TSHZ3: variants seen among roughly 807,000 people sequenced by gnomAD.
The protein encoded by TSHZ3 is teashirt homolog 3.
In TSHZ3, 10 loss-of-function variants were observed where a neutral mutation model predicts 64.5. The observed-to-expected ratio is 0.16, with a 90% CI of 0.10 to 0.26. The LOEUF is 0.26. TSHZ3 is among the 10% of genes least tolerant of loss of function. The probability of loss-of-function intolerance (pLI) is 1.00; values close to 1 mark genes in which losing one functional copy is unlikely to be tolerated. For missense variants in TSHZ3, 1,242 were observed against 1,421.7 expected (o/e 0.87, Z 2.03); for synonymous variants, 608 against 593.1 (o/e 1.03, Z -0.36).
At chr19:31,321,912 T>C (rs1371944309) in intron 1 of TSHZ3, among the ~76,000 whole-genome samples, 1 of 152,142 alleles carries the variant, frequency 6.6e-6, no homozygotes, top group Non-Finnish European at 1.5e-5. Context: ...ACACGTACCA[T>C]GGTGGTTTTC....
intron 4 of TSHZ3, among the ~76,000 whole-genome samples, chr19:31,216,957 A>G (rs556055251): frequency 6.6e-6 from 1 of 151,264 alleles, no homozygotes; most frequent in Admixed American, 6.6e-5. Flanking sequence ...CGCCTGACCA[A>G]TTTACCAATT....
chr19:31,230,213 TA>T (rs1975520960), intron 3 of TSHZ3, among the ~76,000 whole-genome samples: 1 of 152,172 alleles, frequency 6.6e-6, no homozygotes, highest in Non-Finnish European at 1.5e-5. Context: ...AAAAAAATCA[TA>T]CTGAGAATTA....
intron 5 of TSHZ3, among the ~76,000 whole-genome samples, chr19:31,164,957 C>A (rs1974424629): frequency 2.6e-5 from 4 of 152,230 alleles, no homozygotes; most frequent in Admixed American, 2.6e-4. Context: ...TGCATAAAAG[C>A]GAGCGGCAGC....
intron 1 of TSHZ3, among the ~76,000 whole-genome samples, chr19:31,299,066 G>A (rs139020908): frequency 0.015 from 2,271 of 152,304 alleles, 109 homozygotes; most frequent in Admixed American, 0.099. Context: ...GTGGTAGCGG[G>A]CGCCTGTAGT....
At chr19:31,216,455 T>A (rs1169601570) in intron 4 of TSHZ3, among the ~76,000 whole-genome samples, 1 of 132,060 alleles carries the variant, frequency 7.6e-6, no homozygotes, top group Non-Finnish European at 1.6e-5. Flanking sequence ...AGGAGGCAGC[T>A]TTTTTTTTTT....
At chr19:31,295,062 T>C (rs1434995469) in intron 1 of TSHZ3, among the ~76,000 whole-genome samples, 1 of 152,208 alleles carries the variant, frequency 6.6e-6, no homozygotes, top group Non-Finnish European at 1.5e-5. Context: ...ATTAAGGGTG[T>C]TCTCATCAGT....
chr19:31,254,822 C>T (rs1232335167), intron 1 of TSHZ3, among the ~76,000 whole-genome samples: 1 of 152,158 alleles, frequency 6.6e-6, no homozygotes, highest in African/African-American at 2.4e-5. Flanking sequence ...CATGAATCCT[C>T]TTAGTCATTC....
At chr19:31,235,732 A>T (rs1599597954) in intron 3 of TSHZ3, among the ~76,000 whole-genome samples, 1 of 88,254 alleles carries the variant, frequency 1.1e-5, no homozygotes, top group Admixed American at 1.5e-4. Context: ...TTAATTTGAG[A>T]CAGAATCTCA....
At chr19:31,327,359 T>C (rs1056123987) in intron 1 of TSHZ3, among the ~76,000 whole-genome samples, 1 of 152,186 alleles carries the variant, frequency 6.6e-6, no homozygotes, top group African/African-American at 2.4e-5. Context: ...GATAGTAAAA[T>C]AGATTTTAAA....
chr19:31,198,306 T>A (rs886403217), intron 5 of TSHZ3, among the ~76,000 whole-genome samples: 4 of 152,064 alleles, frequency 2.6e-5, no homozygotes, highest in Non-Finnish European at 4.4e-5. Context: ...ATAAAGAATA[T>A]TCACGAAAAC....
chr19:31,278,140 A>G lies in TSHZ3; in HGVS notation c.1653T>C (p.His551=). 6.2e-7 allele frequency: 1 copy of G among 1,614,172 alleles called. No homozygotes were observed. Among genetic ancestry groups the G allele is most frequent in the South Asian group, 1.1e-5 (1 of 91,086 alleles). ...TPSWGGYPSI[H]AAYQLPNMMK... ...TCATGTTGGGAAGTTGGTAGGCGGC[A>G]TGGATGCTGGGATAGCCCCCCCAGC... The change falls in exon 2 of 2, where the codon CAT becomes CAC. Residue 551 remains histidine, a synonymous_variant. Coordinates refer to ENST00000240587, the MANE Select transcript of TSHZ3 (RefSeq NM_020856.4). This position sits in a 1 kb window ranked among gnomAD's most constrained non-coding sequence, Gnocchi z 4.7.
At chr19:31,153,126 C>A (rs568656750) in intron 6 of TSHZ3, among the ~76,000 whole-genome samples, 2 of 152,092 alleles carry the variant, frequency 1.3e-5, no homozygotes, top group South Asian at 2.1e-4. Flanking sequence ...ACTAATCCTG[C>A]CATTGGAGTT....
chr19:31,155,767 C>T (rs1183652066), intron 6 of TSHZ3, among the ~76,000 whole-genome samples: 1 of 152,224 alleles, frequency 6.6e-6, no homozygotes, highest in Non-Finnish European at 1.5e-5. Flanking sequence ...CCTGTTTCCA[C>T]CTGAGGTTTC....
At chr19:31,158,282 T>C (rs1974331427) in intron 5 of TSHZ3, among the ~76,000 whole-genome samples, 1 of 152,192 alleles carries the variant, frequency 6.6e-6, no homozygotes, top group South Asian at 2.1e-4. Context: ...GAAAAAAATA[T>C]ATGTATCTCA....
At chr19:31,273,226 T>C (rs1019891261), downstream of TSHZ3, among the ~76,000 whole-genome samples, 1 of 152,268 alleles carries the variant, frequency 6.6e-6, no homozygotes, top group African/African-American at 2.4e-5. Flanking sequence ...CACGTGAGGT[T>C]TGCATTCGTG....
At chr19:31,333,289 C>T (rs1398312347) in intron 1 of TSHZ3, among the ~76,000 whole-genome samples, 1 of 152,104 alleles carries the variant, frequency 6.6e-6, no homozygotes, top group Non-Finnish European at 1.5e-5. Context: ...TAACACTACT[C>T]CAACTCAGGA....
intron 6 of TSHZ3, among the ~76,000 whole-genome samples, chr19:31,156,045 T>A (rs1173987489): frequency 5.3e-5 from 8 of 152,240 alleles, no homozygotes; most frequent in Non-Finnish European, 1.5e-5. Flanking sequence ...TGTGCCTCTT[T>A]CTTCAGGTCA....
At chr19:31,232,192 C>T (rs541008970) in intron 3 of TSHZ3, among the ~76,000 whole-genome samples, 1 of 152,208 alleles carries the variant, frequency 6.6e-6, no homozygotes, top group South Asian at 2.1e-4. Context: ...CTCTCCATCC[C>T]TGCTGCTCAA....
intron 1 of TSHZ3, among the ~76,000 whole-genome samples, chr19:31,334,647 T>C (rs575403362): frequency 4.5e-4 from 69 of 152,280 alleles, no homozygotes; most frequent in Middle Eastern, 6.8e-3. Flanking sequence ...CCTTGTCTCA[T>C]GGAACTCCAG....
Sources: gnomAD v4.1 joint callset for allele counts (sites outside exome capture counted in the v4.1 genomes callset) on GRCh38, gnomAD v4.1.1 for gene constraint, Gnocchi (gnomAD v3.1) non-coding constraint, MANE v1.5 for transcripts, NCBI Gene and HGNC (gene_info 2026-07-23, HGNC 2026-07-21) for gene names.